RFPL1: variants seen among roughly 807,000 people sequenced by gnomAD.
RFPL1 encodes the protein ret finger protein like 1, also known as ret finger protein-like 1.
In RFPL1, 6 loss-of-function variants were observed where a neutral mutation model predicts 9.6. The ratio of observed to expected loss-of-function variants is 0.62; its 90% CI spans 0.34 to 1.23. The LOEUF (loss-of-function observed/expected upper bound fraction) is 1.23. Ranked by LOEUF, RFPL1 falls within the 50% of genes most tolerant of loss-of-function variation. The probability of loss-of-function intolerance (pLI) is 0.03; values close to 1 mark genes in which losing one functional copy is unlikely to be tolerated. For synonymous variants in RFPL1, 145 were observed against 149.4 expected, an observed-to-expected ratio of 0.97 and a Z score of 0.22; for missense variants, 352 against 398.4, an observed-to-expected ratio of 0.88 and a Z score of 0.99.
At chr22:29,427,093 G>T in the RFPL1 span, among the ~76,000 whole-genome samples, 1 of 152,214 alleles carries the variant, frequency 6.6e-6, no homozygotes, top group African/African-American at 2.4e-5. Flanking sequence ...AGTTCCAAAA[G>T]AACACATTTA....
chr22:29,419,983 C>G, the RFPL1 span, among the ~76,000 whole-genome samples: 1 of 152,152 alleles, frequency 6.6e-6, no homozygotes, highest in Non-Finnish European at 1.5e-5. Flanking sequence ...CTCAGCTACC[C>G]TCACTCAACA....
upstream of RFPL1, chr22:29,437,337 G>T: frequency 3.0e-6 from 1 of 332,462 alleles, no homozygotes; most frequent in Non-Finnish European, 5.5e-6. Flanking sequence ...TAATACTTCA[G>T]GTTTCCAAGC....
the RFPL1 span, among the ~76,000 whole-genome samples, chr22:29,410,484 T>A: frequency 7.5e-5 from 7 of 93,170 alleles, no homozygotes; most frequent in Non-Finnish European, 1.5e-4. Context: ...ATATATATAT[T>A]GTAGATATAT....
At chr22:29,427,925 T>A in the RFPL1 span, among the ~76,000 whole-genome samples, 1 of 152,156 alleles carries the variant, frequency 6.6e-6, no homozygotes, top group Non-Finnish European at 1.5e-5. Context: ...ATCCTACACA[T>A]CCCTTGTAAT....
At chr22:29,389,736 C>T in the RFPL1 span, among the ~76,000 whole-genome samples, 7 of 150,996 alleles carry the variant, frequency 4.6e-5, no homozygotes, top group East Asian at 1.9e-4. Flanking sequence ...TCCCACTGAC[C>T]TAAGACAATC....
At chr22:29,396,666 G>A in the RFPL1 span, among the ~76,000 whole-genome samples, 1 of 152,080 alleles carries the variant, frequency 6.6e-6, no homozygotes, top group African/African-American at 2.4e-5. Flanking sequence ...AGAGGTTGGA[G>A]GGAGGTCTTA....
At chr22:29,432,753 G>A in the RFPL1 span, among the ~76,000 whole-genome samples, 1 of 152,114 alleles carries the variant, frequency 6.6e-6, no homozygotes, top group African/African-American at 2.4e-5. Context: ...TAGCATTTCC[G>A]ATATTAGAAG....
the RFPL1 span, among the ~76,000 whole-genome samples, chr22:29,412,118 A>G: frequency 6.6e-6 from 1 of 152,150 alleles, no homozygotes; most frequent in East Asian, 1.9e-4. Context: ...GAAATTGGTG[A>G]GAGGGGCAGA....
chr22:29,389,349 C>A, the RFPL1 span, among the ~76,000 whole-genome samples: 1 of 151,918 alleles, frequency 6.6e-6, no homozygotes, highest in Non-Finnish European at 1.5e-5. Flanking sequence ...AATTGCAGCA[C>A]TGCACTCCAG....
chr22:29,412,571 G>A, the RFPL1 span, among the ~76,000 whole-genome samples: 1 of 152,138 alleles, frequency 6.6e-6, no homozygotes, highest in South Asian at 2.1e-4. Context: ...CCCACAGATG[G>A]ATAGAGGAAC....
chr22:29,397,554 AAAG>A, the RFPL1 span, among the ~76,000 whole-genome samples: 12 of 148,736 alleles, frequency 8.1e-5, no homozygotes, highest in African/African-American at 2.6e-4. Context: ...AAACAGAACA[AAAG>A]AAAACCCAGG....
At chr22:29,438,709 G>A (rs1049184231) in exon 1 of RFPL1, 24 of 1,553,444 alleles carry the variant, frequency 1.5e-5, no homozygotes, top group Middle Eastern at 3.5e-4. Flanking sequence ...CTCTGAAGAC[G>A]GGGGGTGGGG....
At chr22:29,436,366 G>C (rs144466496), upstream of RFPL1, among the ~76,000 whole-genome samples, 1 of 151,942 alleles carries the variant, frequency 6.6e-6, no homozygotes, top group Non-Finnish European at 1.5e-5. Flanking sequence ...CGAGGCAGGC[G>C]GGTTACCTGA....
chr22:29,439,142 C>T, exon 1 of RFPL1: 1 of 1,614,092 alleles, frequency 6.2e-7, no homozygotes, highest in Non-Finnish European at 8.5e-7. Flanking sequence ...TGCAGATGAA[C>T]CCAAGGATGC....
chr22:29,407,082 TGTG>T, the RFPL1 span, among the ~76,000 whole-genome samples: 3 of 98 alleles, frequency 0.031, no homozygotes, highest in Non-Finnish European at 0.026. Context: ...TGTTCTTTTG[TGTG>T]TGTGTGTGTG....
upstream of RFPL1, chr22:29,437,850 C>A: frequency 2.0e-6 from 2 of 1,000,002 alleles, no homozygotes; most frequent in Non-Finnish European, 2.8e-6. Flanking sequence ...TGTCTGAGTG[C>A]TGCCTCAGAG....
the RFPL1 span, among the ~76,000 whole-genome samples, chr22:29,416,426 T>G: frequency 7.3e-6 from 1 of 136,882 alleles, no homozygotes; most frequent in Non-Finnish European, 1.7e-5. Flanking sequence ...GCACTTGATG[T>G]TTAGCAGAGA....
exon 2 of RFPL1, chr22:29,441,893 T>C (rs781361844): frequency 5.6e-6 from 9 of 1,613,060 alleles, no homozygotes; most frequent in Non-Finnish European, 5.9e-6. Flanking sequence ...GACCGCAAGT[T>C]ACAGCGAGTG....
the RFPL1 span, among the ~76,000 whole-genome samples, chr22:29,429,162 C>T: frequency 2.0e-5 from 3 of 152,114 alleles, no homozygotes; most frequent in Non-Finnish European, 2.9e-5. Flanking sequence ...TCAAGCAATC[C>T]TCCCACCCCA....
Sources: gnomAD v4.1 joint callset for allele counts (sites outside exome capture counted in the v4.1 genomes callset) on GRCh38, gnomAD v4.1.1 for gene constraint, MANE v1.5 for transcripts, NCBI Gene and HGNC (gene_info 2026-07-23, HGNC 2026-07-21) for gene names.